PLB1: variants seen among roughly 807,000 people sequenced by gnomAD.
The protein encoded by PLB1 is phospholipase B1.
PLB1 carries 242 observed loss-of-function variants against 227.4 expected under a neutral mutation model. That is an observed-to-expected ratio of 1.06 (90% CI 0.96 to 1.18). The LOEUF (loss-of-function observed/expected upper bound fraction) is 1.18. Ranked by LOEUF, PLB1 falls within the 50% of genes most tolerant of loss-of-function variation. PLB1 has a pLI of 0.00. For missense variants in PLB1, 1,858 were observed against 1,816.3 expected, an observed-to-expected ratio of 1.02 and a Z score of -0.42; for synonymous variants, 757 against 682.2, an observed-to-expected ratio of 1.11 and a Z score of -1.71.
chr2:28,627,209 G>A (rs558607473), intron 51 of PLB1, among the ~76,000 whole-genome samples: 4 of 152,200 alleles, frequency 2.6e-5, no homozygotes, highest in South Asian at 2.1e-4. Context: ...TTGATGAGAA[G>A]TATCCTCCCA....
chr2:28,496,306 A>G, intron 1 of PLB1, 137 bp downstream of exon 1: 1 of 915,064 alleles, frequency 1.1e-6, no homozygotes, highest in Non-Finnish European at 1.6e-6. Context: ...CAAGAATAAG[A>G]AGTCTGGTTT....
intron 43 of PLB1, among the ~76,000 whole-genome samples, chr2:28,613,226 G>T (rs549049551): frequency 1.4e-4 from 21 of 152,304 alleles, no homozygotes; most frequent in African/African-American, 5.1e-4. Flanking sequence ...TGCCAGCCTG[G>T]TTTTTTCTTC....
intron 21 of PLB1, among the ~76,000 whole-genome samples, chr2:28,576,101 T>G (rs1384877242): frequency 1.5e-5 from 2 of 129,602 alleles, no homozygotes; most frequent in Non-Finnish European, 3.6e-5. Context: ...CCTGGGTTTC[T>G]ATCCTTGCAT....
chr2:28,526,744 T>A (rs1670311652), intron 6 of PLB1, among the ~76,000 whole-genome samples: 1 of 152,160 alleles, frequency 6.6e-6, no homozygotes, highest in Admixed American at 6.5e-5. Context: ...TGGTGCTCCA[T>A]GGGAGTAATG....
At chr2:28,501,790 A>T (rs1375850913) in intron 1 of PLB1, among the ~76,000 whole-genome samples, 1 of 152,160 alleles carries the variant, frequency 6.6e-6, no homozygotes, top group Non-Finnish European at 1.5e-5. Flanking sequence ...ATTATACTAC[A>T]TCAGTTCAGA....
chr2:28,625,082 CT>C lies in PLB1; in HGVS notation c.3554del (p.Leu1185ArgfsTer2), dbSNP rs1687563353. On this transcript the variant is annotated frameshift_variant, in exon 50 of 58. Coordinates refer to ENST00000327757, the MANE Select transcript of PLB1 (RefSeq NM_153021.5). LOFTEE classifies it high-confidence loss of function. ...GGACATGCCAGCCCAGGCCTGGGAC[CT>C]GGTAGAGCGAATGAAAAACAGCCCC... is the stretch of plus-strand genomic sequence containing the variant. The part of the protein sequence containing the change: ...ARDMPAQAWD[L>X]VERMKNSPDI... 1.2e-6 allele frequency: 2 copies of C among 1,613,548 alleles called. No individual in the cohort carries two copies. Among genetic ancestry groups the C allele is most frequent in the Non-Finnish European group, 1.7e-6 (2 of 1,179,734 alleles).
chr2:28,519,496 C>T, intron 3 of PLB1, among the ~76,000 whole-genome samples: 1 of 152,170 alleles, frequency 6.6e-6, no homozygotes, highest in East Asian at 1.9e-4. Context: ...GTGTGGCTCC[C>T]AGAGGGGAGC....
At position 28,629,133 on chromosome 2, in the gene PLB1, C is replaced by T. The variant is rs753580504; in HGVS notation, c.3766C>T (p.Leu1256=). The part of the protein sequence containing the change: ...AFVNVVEVME[L]ASLYQGQGGK... The stretch of plus-strand genomic sequence containing the variant: ...CGTCAACGTGGTGGAGGTCATGGAG[C>T]TGGCTAGCCTGTACCAGGGCCAAGG... Residue 1256 remains leucine (L), a synonymous_variant, in exon 53 of 58, where the codon CTG becomes TTG. Transcript: ENST00000327757. 4.3e-6 allele frequency: 7 copies of T among 1,613,828 alleles called. No homozygotes were observed. The African/African-American group carries it at 9.3e-5, about 22-fold the overall frequency.
intron 56 of PLB1, among the ~76,000 whole-genome samples, chr2:28,633,802 C>T (rs1274964409): frequency 3.3e-5 from 5 of 152,250 alleles, no homozygotes; most frequent in Non-Finnish European, 4.4e-5. Context: ...AAATGCCTTC[C>T]CAACCCAATG....
intron 35 of PLB1, among the ~76,000 whole-genome samples, 164 bp from the exon 36 acceptor site, chr2:28,600,645 T>C (rs977788654): frequency 2.6e-5 from 4 of 152,214 alleles, no homozygotes; most frequent in African/African-American, 9.6e-5. Flanking sequence ...TCTGTTGTAA[T>C]AACTTTCCAG....
At chr2:28,549,788 G>C (rs536469421) in intron 15 of PLB1, among the ~76,000 whole-genome samples, 1 of 152,130 alleles carries the variant, frequency 6.6e-6, no homozygotes, top group South Asian at 2.1e-4. Flanking sequence ...GAACCCCCAG[G>C]GTAAAGAGCA....
Position 28,630,608 on chromosome 2 carries a change from C to A in PLB1, c.3841C>A (p.His1281Asn), listed in dbSNP as rs753016827. ...CAGGAACAACTGCACTTGCCTCAGA[C>A]ACTCGCAAAGCTCCCTGGAGAAGCA... ...AAQNNCTCLR[H>N]SQSSLEKQEL... The change falls in exon 54 of 58, where the codon CAC becomes AAC. Residue 1281 changes from histidine to asparagine, a missense_variant. Coordinates refer to ENST00000327757, the MANE Select transcript of PLB1 (RefSeq NM_153021.5). The A allele has an allele frequency of 6.2e-7, 1 of 1,613,782 alleles. No individual in the cohort carries two copies. The highest frequency in any genetic ancestry group is 1.1e-5 in the South Asian group (1 of 90,974).
intron 2 of PLB1, among the ~76,000 whole-genome samples, 158 bp from the exon 3 acceptor site, chr2:28,518,308 G>C (rs1669093421): frequency 6.6e-6 from 1 of 152,090 alleles, no homozygotes; most frequent in African/African-American, 2.4e-5. Context: ...AGATGAACTG[G>C]GTATGGGGTT....
intron 56 of PLB1, 68 bp downstream of exon 56, chr2:28,633,107 A>C: frequency 1.5e-6 from 2 of 1,377,830 alleles, no homozygotes; most frequent in Non-Finnish European, 2.1e-6. Context: ...TCTGTCTCAC[A>C]ATGGCAAAAC....
intron 17 of PLB1, 141 bp downstream of exon 17, chr2:28,553,132 C>T: frequency 2.9e-6 from 2 of 700,438 alleles, no homozygotes; most frequent in Non-Finnish European, 5.0e-6. Flanking sequence ...ATTTGTAAAG[C>T]CATGGCTGTG....
At chr2:28,510,029 A>G (rs550446317) in intron 1 of PLB1, among the ~76,000 whole-genome samples, 1 of 152,360 alleles carries the variant, frequency 6.6e-6, no homozygotes, top group African/African-American at 2.4e-5. Flanking sequence ...AGCAGTTATC[A>G]TGGATGACTC....
Position 28,578,093 on chromosome 2 carries a change from G to A in PLB1, c.1434-14G>A, listed in dbSNP as rs1387432813. 1.2e-6 allele frequency: 2 copies of A among 1,613,776 alleles called. No individual in the cohort carries two copies. Among genetic ancestry groups the A allele is most frequent in the South Asian group, 1.1e-5 (1 of 91,052 alleles). ...CCCACTCCTCACAGCACTTCCTCTG[G>A]TATGTTTCCACAGGGATCTACCTGT... On this transcript the variant is annotated splice_polypyrimidine_tract_variant and intron_variant, in intron 21 of 57. Coordinates refer to ENST00000327757, the MANE Select transcript of PLB1 (RefSeq NM_153021.5).
chr2:28,638,781 G>A (rs1689653151), intron 56 of PLB1, among the ~76,000 whole-genome samples: 1 of 141,744 alleles, frequency 7.1e-6, no homozygotes, highest in Non-Finnish European at 1.5e-5. Context: ...AGAGGTATCA[G>A]GATACAGAAG....
chr2:28,519,824 G>A (rs776731361), intron 4 of PLB1, 61 bp downstream of exon 4: 53 of 1,376,060 alleles, frequency 3.9e-5, no homozygotes, highest in Non-Finnish European at 5.3e-5. Flanking sequence ...TCCTCTGAAT[G>A]GGCTCCTGGT....
Sources: gnomAD v4.1 joint callset for allele counts (sites outside exome capture counted in the v4.1 genomes callset) on GRCh38, gnomAD v4.1.1 for gene constraint, MANE v1.5 for transcripts, NCBI Gene and HGNC (gene_info 2026-07-23, HGNC 2026-07-21) for gene names.